NREP: variants seen among roughly 807,000 people sequenced by gnomAD.
The protein encoded by NREP is neuronal regeneration related protein.
Under a neutral mutation model 8.6 loss-of-function variants are expected in NREP, and 5 were observed. The observed-to-expected ratio is 0.58, with a 90% CI of 0.30 to 1.22. The LOEUF is 1.22. NREP is among the 50% of genes most tolerant of loss of function. The pLI is 0.07. For missense variants in NREP, 86 were observed against 82.5 expected, an observed-to-expected ratio of 1.04 and a Z score of -0.17; for synonymous variants, 27 against 28.0, an observed-to-expected ratio of 0.96 and a Z score of 0.11.
intron 2 of NREP, among the ~76,000 whole-genome samples, chr5:111,962,770 A>C (rs1191556237): frequency 1.3e-5 from 2 of 152,206 alleles, no homozygotes; most frequent in Non-Finnish European, 2.9e-5. Context: ...AAGTGGATTG[A>C]CTGGAAAGAG....
chr5:111,954,310 G>A (rs956373917), intron 2 of NREP, among the ~76,000 whole-genome samples: 1 of 151,820 alleles, frequency 6.6e-6, no homozygotes, highest in Non-Finnish European at 1.5e-5. Context: ...TACTTCTTTG[G>A]GTTAGAAAAA....
At chr5:111,859,581 A>G (rs1320239717) in intron 2 of NREP, among the ~76,000 whole-genome samples, 1 of 152,048 alleles carries the variant, frequency 6.6e-6, no homozygotes, top group African/African-American at 2.4e-5. Flanking sequence ...TAAAATGGCA[A>G]TGCTAATGGG....
chr5:111,869,543 A>G (rs138527661), intron 2 of NREP, among the ~76,000 whole-genome samples: 1 of 152,226 alleles, frequency 6.6e-6, no homozygotes, highest in East Asian at 1.9e-4. Context: ...TAGTTGGGCT[A>G]TTCTTGGTTT....
intron 2 of NREP, among the ~76,000 whole-genome samples, chr5:111,938,820 C>T (rs1755753510): frequency 6.6e-6 from 1 of 152,044 alleles, no homozygotes; most frequent in African/African-American, 2.4e-5. Context: ...GCTCAGAGAT[C>T]ACCCATGAAC....
chr5:111,767,158 T>C (rs1712891347), intron 2 of NREP, among the ~76,000 whole-genome samples: 1 of 152,160 alleles, frequency 6.6e-6, no homozygotes, highest in Non-Finnish European at 1.5e-5. Flanking sequence ...TGAGGTTAGA[T>C]AGAATATGAA....
intron 2 of NREP, among the ~76,000 whole-genome samples, chr5:111,798,525 T>C (rs1278691465): frequency 2.0e-5 from 3 of 152,146 alleles, no homozygotes; most frequent in Non-Finnish European, 2.9e-5. Context: ...CCCCCAACTC[T>C]TTCCCCCGAG....
intron 2 of NREP, among the ~76,000 whole-genome samples, chr5:111,883,443 G>C (rs1327806343): frequency 6.6e-6 from 1 of 152,106 alleles, no homozygotes; most frequent in Non-Finnish European, 1.5e-5. Context: ...GGATACCCAG[G>C]AATTGAACTC....
intron 2 of NREP, among the ~76,000 whole-genome samples, chr5:111,839,684 T>C (rs1038543569): frequency 1.3e-5 from 2 of 152,098 alleles, no homozygotes; most frequent in African/African-American, 4.8e-5. Context: ...ATATATAATA[T>C]TACTTAAGGC....
chr5:111,903,917 T>C (rs769829668), intron 2 of NREP, among the ~76,000 whole-genome samples: 1 of 152,194 alleles, frequency 6.6e-6, no homozygotes, highest in African/African-American at 2.4e-5. Flanking sequence ...CTGGTGGTTT[T>C]ACTTTTTTAG....
intron 2 of NREP, among the ~76,000 whole-genome samples, chr5:111,970,181 G>A (rs560063): frequency 0.55 from 83,859 of 151,996 alleles, 23,762 homozygotes; most frequent in Non-Finnish European, 0.62. Flanking sequence ...CCTGACAATC[G>A]ATTGTAAAAT....
intron 2 of NREP, among the ~76,000 whole-genome samples, chr5:111,949,776 G>A (rs536280651): frequency 5.3e-5 from 8 of 151,992 alleles, no homozygotes; most frequent in South Asian, 2.1e-4. Context: ...TTTTTATGGC[G>A]GCATAGTATT....
intron 2 of NREP, among the ~76,000 whole-genome samples, chr5:111,966,026 A>T (rs1342035027): frequency 6.6e-6 from 1 of 152,226 alleles, no homozygotes; most frequent in Non-Finnish European, 1.5e-5. Context: ...GATGATGGTC[A>T]GTGATCACAC....
intron 2 of NREP, among the ~76,000 whole-genome samples, chr5:111,857,688 C>T (rs1221976860): frequency 1.3e-5 from 2 of 152,164 alleles, no homozygotes; most frequent in Non-Finnish European, 2.9e-5. Context: ...AGAAGCTCCA[C>T]AAGTAGATGG....
chr5:111,788,202 G>A (rs557338988), intron 2 of NREP, among the ~76,000 whole-genome samples: 1 of 152,178 alleles, frequency 6.6e-6, no homozygotes, highest in South Asian at 2.1e-4. Flanking sequence ...CCCTCATGGT[G>A]TATTCACTTT....
intron 2 of NREP, among the ~76,000 whole-genome samples, chr5:111,819,143 C>T (rs1752459595): frequency 6.6e-6 from 1 of 152,168 alleles, no homozygotes; most frequent in African/African-American, 2.4e-5. Flanking sequence ...CCCACCAGTT[C>T]TAATCAGTAG....
At chr5:111,876,555 G>C (rs1471268755) in intron 2 of NREP, among the ~76,000 whole-genome samples, 1 of 151,806 alleles carries the variant, frequency 6.6e-6, no homozygotes, top group Non-Finnish European at 1.5e-5. Context: ...CTGAATTCTT[G>C]AACTGTGTGT....
chr5:111,753,798 T>A lies in NREP; in HGVS notation c.3+1972A>T, dbSNP rs57605055. Among the ~76,000 whole-genome samples, 1,280 of 151,976 alleles carry A rather than the reference T, an allele frequency of 8.4e-3. 23 individuals carry two copies. Among genetic ancestry groups the A allele is most frequent in the African/African-American group, 0.029 (1,189 of 41,416 alleles). On this transcript the variant is annotated intron_variant, in intron 2 of 3. Coordinates refer to ENST00000257435, the MANE Select transcript of NREP (RefSeq NM_004772.4). Reference sequence around the variant, plus strand: ...AAGCCAGTTACAGAGGTCCACAAAGTAATTCCAATTTTAATCAAGGGAAGA... The same window carrying A: ...AAGCCAGTTACAGAGGTCCACAAAGAAATTCCAATTTTAATCAAGGGAAGA...
At chr5:111,853,051 T>C (rs1753347494) in intron 2 of NREP, among the ~76,000 whole-genome samples, 1 of 152,144 alleles carries the variant, frequency 6.6e-6, no homozygotes, top group Admixed American at 6.6e-5. Flanking sequence ...GTTGTGGTGA[T>C]GGTGGTGGTG....
intron 2 of NREP, among the ~76,000 whole-genome samples, chr5:111,767,568 C>T (rs569108932): frequency 1.4e-3 from 206 of 152,312 alleles, no homozygotes; most frequent in Non-Finnish European, 2.6e-3. Context: ...CCACGTACTC[C>T]ATCAAGGTGA....
Sources: gnomAD v4.1 joint callset for allele counts (sites outside exome capture counted in the v4.1 genomes callset) on GRCh38, gnomAD v4.1.1 for gene constraint, MANE v1.5 for transcripts, NCBI Gene and HGNC (gene_info 2026-07-23, HGNC 2026-07-21) for gene names.